Variants in DNAH2 observed in about 807,000 individuals in gnomAD.
The protein encoded by DNAH2 is axonemal beta dynein heavy chain 2.
DNAH2 carries 323 observed loss-of-function variants against 523.5 expected under a neutral mutation model. The ratio of observed to expected loss-of-function variants is 0.62; its 90% CI spans 0.56 to 0.68. The LOEUF is 0.68. Among genes scored for constraint, DNAH2 ranks in the 30% least tolerant of loss-of-function variants. The pLI is 0.00. For synonymous variants in DNAH2, 2,093 were observed against 2,177.4 expected, an observed-to-expected ratio of 0.96 and a Z score of 1.08; for missense variants, 4,907 against 5,701.5, an observed-to-expected ratio of 0.86 and a Z score of 4.49.
Position 7,804,898 on chromosome 17 carries a change from G to A in DNAH2, c.9184-60G>A, listed in dbSNP as rs866980216. 72 of 1,391,912 alleles carry A rather than the reference G, an allele frequency of 5.2e-5. No homozygotes were observed. In the Admixed American group the frequency reaches 5.2e-4, roughly 10 times the overall value. The allele number at this position is 1,391,912 out of a possible 1,614,324, so 86.2% of individuals were successfully genotyped here. Reference sequence around the variant, plus strand: ...CTCTTTCATCTTTTCCACCAACACCGTCACTCCCACCTTTGCCCAAGGCAA... The same window carrying A: ...CTCTTTCATCTTTTCCACCAACACCATCACTCCCACCTTTGCCCAAGGCAA... On this transcript the variant is annotated intron_variant, in intron 59 of 85. Transcript: ENST00000572933.
Position 7,828,513 on chromosome 17 carries a change from C to G in DNAH2, c.11854-1787C>G, listed in dbSNP as rs958290613. Among the ~76,000 whole-genome samples the G allele has an allele frequency of 8.5e-5, 13 of 152,168 alleles. No homozygotes were observed. The highest frequency in any genetic ancestry group is 3.1e-4 in the African/African-American group (13 of 41,400). ...ATAGCCCAGGTGGAGTGCAGTGGTA[C>G]AATCATAGCACAATGGGATTGCGGG... is the stretch of plus-strand genomic sequence containing the variant. On this transcript the variant is annotated intron_variant, in intron 77 of 85. Coordinates refer to ENST00000572933, the MANE Select transcript of DNAH2 (RefSeq NM_020877.5). This position sits in a 1 kb window ranked among gnomAD's most constrained non-coding sequence, Gnocchi z 4.1.
chr17:7,783,408 C>T (rs2076654336), intron 39 of DNAH2, among the ~76,000 whole-genome samples: 2 of 152,098 alleles, frequency 1.3e-5, no homozygotes, highest in South Asian at 4.1e-4. Flanking sequence ...AATTGATACC[C>T]GATGTGAAAA....
At position 7,739,864 on chromosome 17, in the gene DNAH2, T is replaced by C. The variant is rs757449847; in HGVS notation, c.1302T>C (p.Asn434=). 4 of 1,614,018 alleles carry C rather than the reference T, an allele frequency of 2.5e-6. No individual in the cohort carries two copies. Among genetic ancestry groups the C allele is most frequent in the African/African-American group, 1.3e-5 (1 of 74,978 alleles). Residue 434 remains asparagine (N), a synonymous_variant, in exon 9 of 86, where the codon AAT becomes AAC. Transcript: ENST00000572933. ...AGATTGAGGACATCTTTCATAAAAA[T>C]CTGCACACGCTGCGAGCCGTTCGCG... ...LLEIEDIFHK[N]LHTLRAVRGG...
rs188477382 is a variant in DNAH2 at position 7,825,255 on chromosome 17, A to G, written c.11853+528A>G. 9.2e-5 allele frequency among the ~76,000 whole-genome samples: 14 copies of G among 151,864 alleles called. 1 individual carries two copies. Among genetic ancestry groups the G allele is most frequent in the Admixed American group, 9.2e-4 (14 of 15,246 alleles). On this transcript the variant is annotated intron_variant, in intron 77 of 85. Coordinates refer to ENST00000572933, the MANE Select transcript of DNAH2 (RefSeq NM_020877.5). ...CTCATCACCAAATGCAATCATCACC[A>G]CCCTCTAAAATCTGCCGTGTCACTG...
In DNAH2 at chr17:7,758,992, C is replaced by T. The variant is rs529373218; in HGVS notation, c.2316C>T (p.Tyr772=). The change falls in exon 15 of 86, where the codon TAC becomes TAT. Residue 772 remains tyrosine, a synonymous_variant. Transcript: ENST00000572933. ...LLVRISGKRV[Y]RDLEFEEDQR... ...TACGCATTAGTGGCAAACGGGTATA[C>T]AGGGACCTGGAATTTGAAGAGGACC... is the stretch of plus-strand genomic sequence containing the variant. 2 of 1,614,170 alleles carry T rather than the reference C, an allele frequency of 1.2e-6. No homozygotes were observed. Among genetic ancestry groups the T allele is most frequent in the Non-Finnish European group, 8.5e-7 (1 of 1,180,032 alleles).
intron 12 of DNAH2, among the ~76,000 whole-genome samples, chr17:7,744,516 G>A (rs2075458155): frequency 6.6e-6 from 1 of 152,048 alleles, no homozygotes; most frequent in Admixed American, 6.6e-5. Context: ...CAGGTGAGAG[G>A]GGTGAGGCAG....
At chr17:7,793,291 G>A (rs2076950511) in intron 48 of DNAH2, 86 bp downstream of exon 48, 2 of 1,386,428 alleles carry the variant, frequency 1.4e-6, no homozygotes, top group Admixed American at 2.2e-5. Flanking sequence ...CCAGGCTATG[G>A]TCCTGTCATC....
chr17:7,824,901 C>G (rs1455844731), intron 77 of DNAH2, among the ~76,000 whole-genome samples, 174 bp downstream of exon 77: 1 of 152,214 alleles, frequency 6.6e-6, no homozygotes. Flanking sequence ...TAAGAGCTAA[C>G]ATTTCTTGAG....
Position 7,792,705 on chromosome 17 carries a change from C to T in DNAH2, c.7194C>T (p.Tyr2398=). The T allele has an allele frequency of 6.2e-7, 1 of 1,614,208 alleles. No individual in the cohort carries two copies. The highest frequency in any genetic ancestry group is 8.5e-7 in the Non-Finnish European group (1 of 1,180,034). Residue 2398 remains tyrosine (Y), a synonymous_variant, in exon 47 of 86, where the codon TAC becomes TAT. Transcript: ENST00000572933. The stretch of plus-strand genomic sequence containing the variant: ...TGCCCACCGTCGACACTGTTCGCTA[C>T]AACTACCTGGTGAGCAGCTTGGTGG... ...IMVPTVDTVR[Y]NYLVSSLVAN...
intron 3 of DNAH2, among the ~76,000 whole-genome samples, 158 bp from the exon 4 acceptor site, chr17:7,726,964 T>C (rs2074832064): frequency 2.0e-5 from 3 of 152,208 alleles, no homozygotes; most frequent in South Asian, 4.1e-4. Context: ...ATTTTTCTGT[T>C]TCTTCCAAAG....
rs200277631 is a variant in DNAH2, at chr17:7,742,998, T to A, written c.1760T>A (p.Met587Lys). 1.3e-6 allele frequency: 2 copies of A among 1,515,256 alleles called. No individual in the cohort carries two copies. The highest frequency in any genetic ancestry group is 1.8e-6 in the Non-Finnish European group (2 of 1,135,050). The allele number at this position is 1,515,256 out of a possible 1,614,324, so 93.9% of individuals were successfully genotyped here. ...GAGAGTGTGCACACCTATCAGCAGATGGTCCAGGCCATTGATGAGCTGGTT... is the reference window on the plus strand; with the variant it reads ...GAGAGTGTGCACACCTATCAGCAGAAGGTCCAGGCCATTGATGAGCTGGTT... ...GKESVHTYQQMVQAIDELVRK... is the reference protein window; with the variant it reads ...GKESVHTYQQKVQAIDELVRK... Residue 587 changes from methionine (M) to lysine (K), a missense_variant, in exon 12 of 86, where the codon ATG (methionine) becomes AAG (lysine). Coordinates refer to ENST00000572933, the MANE Select transcript of DNAH2 (RefSeq NM_020877.5).
chr17:7,719,939 G>A, intron 2 of DNAH2, 39 bp downstream of exon 2: 1 of 1,463,280 alleles, frequency 6.8e-7, no homozygotes, highest in South Asian at 1.4e-5. Flanking sequence ...TAGCAATGGA[G>A]GGTGGGGAAA....
chr17:7,750,612 T>C (rs1485550584), intron 12 of DNAH2, among the ~76,000 whole-genome samples: 1 of 152,184 alleles, frequency 6.6e-6, no homozygotes, highest in Admixed American at 6.5e-5. Context: ...TTTATAGTAA[T>C]TGTCTTTGGC....
intron 18 of DNAH2, among the ~76,000 whole-genome samples, chr17:7,761,549 G>T (rs951608848): frequency 6.7e-6 from 1 of 148,600 alleles, no homozygotes; most frequent in East Asian, 2.0e-4. Context: ...TGTCATCCAC[G>T]CTGGAGTGCA....
In DNAH2 at chr17:7,765,507, C is replaced by T; in HGVS notation, c.3453C>T (p.His1151=). ...HKEKFKTGLI[H]SADDFKKKAH... is the part of the protein sequence containing the mutation. Reference sequence around the variant, plus strand: ...AGAAATTCAAGACAGGCCTGATCCACTCGGCAGATGACTTCAAGAAGAAAG... The same window carrying T: ...AGAAATTCAAGACAGGCCTGATCCATTCGGCAGATGACTTCAAGAAGAAAG... Residue 1151 remains histidine, a synonymous_variant, in exon 21 of 86, where the codon CAC becomes CAT. Transcript: ENST00000572933. 1 of 1,614,234 alleles carries T rather than the reference C, an allele frequency of 6.2e-7. No homozygotes were observed. Among genetic ancestry groups the T allele is most frequent in the South Asian group, 1.1e-5 (1 of 91,078 alleles).
chr17:7,727,210 CCCAGGACCCTACAGAAT>C lies in DNAH2; in HGVS notation c.321_337del (p.Gln107HisfsTer7). On this transcript the variant is annotated frameshift_variant, in exon 4 of 86. Coordinates refer to ENST00000572933, the MANE Select transcript of DNAH2 (RefSeq NM_020877.5). LOFTEE classifies it high-confidence loss of function. ...CATGATGCCATTCTGGAACACTTTGCCCAGGACCCTACAGAATCCATCCTCACCATCTTCATTGACCC... is the reference window on the plus strand; with the variant it reads ...CATGATGCCATTCTGGAACACTTTGCCCATCCTCACCATCTTCATTGACCC... 3 of 1,610,662 alleles carry C rather than the reference CCCAGGACCCTACAGAAT, an allele frequency of 1.9e-6. No homozygotes were observed. The highest frequency in any genetic ancestry group is 2.5e-6 in the Non-Finnish European group (3 of 1,178,666).
At chr17:7,823,330 CGAGAGAGAGAAAAATACA>C (rs1396246820) in intron 73 of DNAH2, 94 bp from the exon 74 acceptor site, 2 of 1,054,052 alleles carry the variant, frequency 1.9e-6, no homozygotes, top group African/African-American at 1.8e-5. Flanking sequence ...GTTTTCCCAC[CGAGAGAGAGAAAAATACA>C]GAGAGAGAGA....
rs771077652 is a variant in DNAH2, at chr17:7,832,541, C to T, written c.12727-38C>T. The T allele has an allele frequency of 2.2e-5, 35 of 1,597,924 alleles. No homozygotes were observed. The Admixed American group carries it at 3.1e-4, about 14-fold the overall frequency. On this transcript the variant is annotated intron_variant, in intron 82 of 85. Transcript: ENST00000572933. The surrounding 1 kb of genome is among the most constrained non-coding windows in gnomAD (Gnocchi z 4.3). ...AATAAATAATACGGATTTGAATGCA[C>T]GGCTAAATGAGTGAATACACACGCA...
chr17:7,725,954 C>T (rs147714489), intron 3 of DNAH2, among the ~76,000 whole-genome samples: 152 of 152,108 alleles, frequency 1.0e-3, no homozygotes, highest in Non-Finnish European at 1.6e-3. Flanking sequence ...GAAAAGACTT[C>T]GCAAGTTCAC....
Sources: allele counts gnomAD v4.1 joint callset (sites outside exome capture counted in the v4.1 genomes callset), GRCh38; gene constraint gnomAD v4.1.1; non-coding constraint Gnocchi (gnomAD v3.1); transcripts MANE v1.5; gene names NCBI Gene and HGNC (gene_info 2026-07-23, HGNC 2026-07-21).